The following GALNT17 variants were observed in gnomAD, a reference collection of about 807,000 sequenced individuals.
GALNT17 encodes UDP-GalNAc:polypeptide N-acetylgalactosaminyltransferase-like 3.
A neutral mutation model predicts 63.7 loss-of-function variants in GALNT17; 29 were observed. The observed-to-expected ratio is 0.46, with a 90% CI of 0.34 to 0.62. The LOEUF (loss-of-function observed/expected upper bound fraction) is 0.62. Among genes scored for constraint, GALNT17 ranks in the 20% least tolerant of loss-of-function variants. GALNT17 has a pLI of 0.01. For synonymous variants in GALNT17, 305 were observed against 318.3 expected (o/e 0.96, Z 0.45); for missense variants, 603 against 799.6 (o/e 0.75, Z 2.97).
At chr7:71,474,709 T>C (rs1057201977) in intron 5 of GALNT17, among the ~76,000 whole-genome samples, 10 of 152,188 alleles carry the variant, frequency 6.6e-5, no homozygotes, top group Non-Finnish European at 7.3e-5. Context: ...CCTACAACTT[T>C]GCAGCTATCC....
At chr7:71,176,468 T>C (rs1002732) in intron 1 of GALNT17, among the ~76,000 whole-genome samples, 43,639 of 151,990 alleles carry the variant, frequency 0.29, 10,809 homozygotes, top group African/African-American at 0.67. Context: ...CGTGTCTCCA[T>C]GGCGGGGAGG....
At chr7:71,564,018 C>T (rs1789297403) in intron 5 of GALNT17, among the ~76,000 whole-genome samples, 1 of 152,160 alleles carries the variant, frequency 6.6e-6, no homozygotes, top group Non-Finnish European at 1.5e-5. Flanking sequence ...AGCCACCCTG[C>T]CAGGGTGATA....
chr7:71,681,247 G>C (rs1235767903), intron 9 of GALNT17, among the ~76,000 whole-genome samples: 6 of 152,172 alleles, frequency 3.9e-5, no homozygotes, highest in Non-Finnish European at 8.8e-5. Flanking sequence ...TGATGCCGCT[G>C]GTTTGAGGAA....
chr7:71,641,352 A>G (rs1031629166), intron 6 of GALNT17, among the ~76,000 whole-genome samples: 7 of 152,310 alleles, frequency 4.6e-5, no homozygotes, highest in African/African-American at 1.7e-4. Context: ...CTCGGGAATT[A>G]TAGAAGGACC....
At chr7:71,184,939 A>ACTTACTTCCTTC (rs1228364284) in intron 1 of GALNT17, among the ~76,000 whole-genome samples, 4 of 64,182 alleles carry the variant, frequency 6.2e-5, no homozygotes, top group East Asian at 6.2e-4. Context: ...TCCCTTCCTC[A>ACTTACTTCCTTC]CTTCCTTCCT....
At chr7:71,471,425 C>CAAA (rs1563117723) in intron 5 of GALNT17, among the ~76,000 whole-genome samples, 7 of 127,656 alleles carry the variant, frequency 5.5e-5, no homozygotes, top group Admixed American at 7.9e-5. Flanking sequence ...CAAAAAAAAC[C>CAAA]AAAAACCATA....
chr7:71,682,223 G>A (rs1005649072), intron 9 of GALNT17, among the ~76,000 whole-genome samples: 9 of 151,680 alleles, frequency 5.9e-5, no homozygotes, highest in Admixed American at 2.0e-4. Flanking sequence ...CACTGCGCCC[G>A]GCCTCAGGGG....
intron 3 of GALNT17, among the ~76,000 whole-genome samples, chr7:71,407,994 G>T (rs1185875293): frequency 6.6e-6 from 1 of 152,156 alleles, no homozygotes; most frequent in African/African-American, 2.4e-5. Context: ...GGTGATAGTT[G>T]CACAACATTG....
chr7:71,643,337 G>A (rs765048324), intron 6 of GALNT17, among the ~76,000 whole-genome samples: 9 of 152,108 alleles, frequency 5.9e-5, no homozygotes, highest in East Asian at 1.9e-4. Context: ...GCGTGGTGGC[G>A]TGTGCCTGTA....
chr7:71,261,827 G>A lies in GALNT17; in HGVS notation c.239-73723G>A, dbSNP rs1221012409. 2.6e-5 allele frequency among the ~76,000 whole-genome samples: 4 copies of A among 152,190 alleles called. No individual in the cohort carries two copies. In the East Asian group the frequency reaches 5.8e-4, roughly 22 times the overall value. Reference sequence around the variant, plus strand: ...ACTTCATTTATTCCTCTTAGGAATCGGAGGTGGTAGTTACTATTATTATCT... The same window carrying A: ...ACTTCATTTATTCCTCTTAGGAATCAGAGGTGGTAGTTACTATTATTATCT... On this transcript the variant is annotated intron_variant, in intron 1 of 10. Transcript: ENST00000333538.
chr7:71,600,361 G>C (rs148183586), intron 6 of GALNT17, among the ~76,000 whole-genome samples: 1 of 150,504 alleles, frequency 6.6e-6, no homozygotes, highest in Admixed American at 6.6e-5. Flanking sequence ...TGGAGGATAG[G>C]AAACTGGATA....
intron 2 of GALNT17, among the ~76,000 whole-genome samples, chr7:71,381,205 G>A (rs1334124922): frequency 2.6e-5 from 4 of 151,610 alleles, no homozygotes; most frequent in Non-Finnish European, 5.9e-5. Context: ...CTGGTGGTCC[G>A]CTGCCTCTAC....
intron 1 of GALNT17, among the ~76,000 whole-genome samples, chr7:71,266,407 G>A (rs1391465242): frequency 1.3e-5 from 2 of 152,130 alleles, no homozygotes; most frequent in Non-Finnish European, 2.9e-5. Flanking sequence ...TGAAAGCATA[G>A]CACTTCCCAC....
At chr7:71,159,003 T>C (rs1399444508) in intron 1 of GALNT17, among the ~76,000 whole-genome samples, 1 of 151,860 alleles carries the variant, frequency 6.6e-6, no homozygotes. Context: ...GCTCCTCGTC[T>C]GGTGTTTCCT....
chr7:71,175,442 CATCT>C (rs1187787913), intron 1 of GALNT17, among the ~76,000 whole-genome samples: 5 of 152,146 alleles, frequency 3.3e-5, no homozygotes, highest in African/African-American at 7.2e-5. Flanking sequence ...ATCTATCTAT[CATCT>C]ATCTGTCTGT....
intron 5 of GALNT17, among the ~76,000 whole-genome samples, chr7:71,456,837 C>T (rs961820147): frequency 2.0e-5 from 3 of 152,084 alleles, no homozygotes; most frequent in East Asian, 1.9e-4. Context: ...CCAAGGTGGA[C>T]GGGGTGCAGC....
intron 2 of GALNT17, among the ~76,000 whole-genome samples, chr7:71,346,740 G>T (rs2116155745): frequency 7.1e-6 from 1 of 141,104 alleles, no homozygotes; most frequent in African/African-American, 2.7e-5. Flanking sequence ...AGGGAATCTT[G>T]CCTGTTGGGG....
intron 5 of GALNT17, among the ~76,000 whole-genome samples, chr7:71,423,017 T>C (rs146067862): frequency 4.0e-4 from 61 of 152,274 alleles, no homozygotes; most frequent in African/African-American, 1.4e-3. Flanking sequence ...CATTCTGTTG[T>C]TGCTAGCCTG....
intron 6 of GALNT17, among the ~76,000 whole-genome samples, chr7:71,599,810 G>T (rs1231565042): frequency 6.6e-6 from 1 of 152,004 alleles, no homozygotes; most frequent in Non-Finnish European, 1.5e-5. Flanking sequence ...AGTCATAATT[G>T]CACTGTTGAC....
Sources: allele counts gnomAD v4.1 joint callset (sites outside exome capture counted in the v4.1 genomes callset), GRCh38; gene constraint gnomAD v4.1.1; transcripts MANE v1.5; gene names NCBI Gene and HGNC (gene_info 2026-07-23, HGNC 2026-07-21).